Variants in CCDC148 observed in about 807,000 individuals in gnomAD.
CCDC148 encodes the protein coiled-coil domain-containing protein 148.
Under a neutral mutation model 85.7 loss-of-function variants are expected in CCDC148, and 89 were observed. The ratio of observed to expected loss-of-function variants is 1.04; its 90% CI spans 0.87 to 1.24. The LOEUF (loss-of-function observed/expected upper bound fraction) is 1.24. CCDC148 is among the 50% of genes most tolerant of loss of function. The probability of loss-of-function intolerance (pLI) is 0.00; values close to 1 mark genes in which losing one functional copy is unlikely to be tolerated. For missense variants in CCDC148, 692 were observed against 671.7 expected, an observed-to-expected ratio of 1.03 and a Z score of -0.33; for synonymous variants, 230 against 213.9, an observed-to-expected ratio of 1.08 and a Z score of -0.66.
At chr2:158,274,624 C>T (rs553697403) in intron 9 of CCDC148, among the ~76,000 whole-genome samples, 4 of 152,002 alleles carry the variant, frequency 2.6e-5, no homozygotes, top group Admixed American at 6.6e-5. Context: ...GGATTTCATT[C>T]GGGGAGAGTA....
intron 1 of CCDC148, among the ~76,000 whole-genome samples, chr2:158,392,867 A>G (rs1165324089): frequency 1.3e-5 from 2 of 152,072 alleles, no homozygotes; most frequent in Non-Finnish European, 2.9e-5. Flanking sequence ...TGTCAGAGAC[A>G]TTGCATACGA....
At chr2:158,179,839 A>G (rs1201202857) in intron 11 of CCDC148, among the ~76,000 whole-genome samples, 3 of 152,150 alleles carry the variant, frequency 2.0e-5, no homozygotes, top group Non-Finnish European at 1.5e-5. Context: ...TTGCACTTTG[A>G]CATCTGTAGA....
At position 158,176,768 on chromosome 2, in the gene CCDC148, G is replaced by A. The variant is rs913348826; in HGVS notation, c.1489-107C>T. ...TTAAAGTTAAGAAATTTTATTAAAG[G>A]TAAAGCCTGAGAGGAAAGGGCAGAA... On this transcript the variant is annotated intron_variant, in intron 12 of 13. Coordinates refer to ENST00000283233, the MANE Select transcript of CCDC148 (RefSeq NM_138803.4). The A allele has an allele frequency of 9.2e-5, 120 of 1,302,176 alleles. No homozygotes were observed. The African/African-American group carries it at 1.4e-3, about 15-fold the overall frequency. 80.7% of individuals were successfully genotyped at this position (1,302,176 alleles called of 1,614,324 possible).
intron 1 of CCDC148, among the ~76,000 whole-genome samples, chr2:158,360,675 C>A (rs112505400): frequency 0.18 from 26,934 of 152,034 alleles, 3,088 homozygotes; most frequent in Middle Eastern, 0.26. Context: ...CGAAGCTTAC[C>A]AACATCAAAG....
intron 12 of CCDC148, 77 bp downstream of exon 12, chr2:158,178,791 ACTAAGCCCCAG>A: frequency 4.5e-6 from 4 of 880,954 alleles, no homozygotes; most frequent in Non-Finnish European, 7.4e-6. Flanking sequence ...GATGTCATGA[ACTAAGCCCCAG>A]TAAGAATGCT....
At chr2:158,269,848 G>A (rs1375674801) in intron 9 of CCDC148, among the ~76,000 whole-genome samples, 1 of 152,134 alleles carries the variant, frequency 6.6e-6, no homozygotes, top group Non-Finnish European at 1.5e-5. Flanking sequence ...CTTGTCTTGG[G>A]CTCCACTTTA....
rs375407060 is a variant in CCDC148 at position 158,228,238 on chromosome 2, T to C, written c.1252-7525A>G. Among the ~76,000 whole-genome samples the C allele has an allele frequency of 1.7e-4, 26 of 152,228 alleles. No individual in the cohort carries two copies. The East Asian group carries it at 3.9e-3, about 23-fold the overall frequency. ...ATCATCACTGGGCATCAGAGAAATGTAAATCAAAACCACAATGAGATACCA... is the reference window on the plus strand; with the variant it reads ...ATCATCACTGGGCATCAGAGAAATGCAAATCAAAACCACAATGAGATACCA... On this transcript the variant is annotated intron_variant, in intron 10 of 13. Coordinates refer to ENST00000283233, the MANE Select transcript of CCDC148 (RefSeq NM_138803.4).
rs188805475 is a variant in CCDC148, at chr2:158,178,797, C to A, written c.1488+82G>T. The A allele has an allele frequency of 3.8e-3, 3,451 of 919,648 alleles. 16 individuals are homozygous for A. The highest frequency in any genetic ancestry group is 5.2e-3 in the Non-Finnish European group (2,959 of 572,362). 57.0% of individuals were successfully genotyped at this position (919,648 alleles called of 1,614,324 possible). On this transcript the variant is annotated intron_variant, in intron 12 of 13. Coordinates refer to ENST00000283233, the MANE Select transcript of CCDC148 (RefSeq NM_138803.4). ...TATATAGCAGATGTCATGAACTAAG[C>A]CCCAGTAAGAATGCTATTAAGAGCA...
chr2:158,278,751 G>A (rs986072096), intron 9 of CCDC148, among the ~76,000 whole-genome samples: 2 of 152,258 alleles, frequency 1.3e-5, no homozygotes, highest in African/African-American at 4.8e-5. Context: ...AAATGTCCCT[G>A]TCTGACAGCT....
chr2:158,387,903 A>G (rs1210190061), intron 1 of CCDC148, among the ~76,000 whole-genome samples: 1 of 152,034 alleles, frequency 6.6e-6, no homozygotes, highest in Non-Finnish European at 1.5e-5. Flanking sequence ...TTCCTAAACA[A>G]ATGCCCTCCT....
chr2:158,456,270 TTA>T, intron 1 of CCDC148, 143 bp downstream of exon 1: 1 of 801,810 alleles, frequency 1.2e-6, no homozygotes, highest in Non-Finnish European at 2.1e-6. Flanking sequence ...TTCAGAAGAG[TTA>T]TGAGTTTGAG....
At chr2:158,234,693 T>C (rs1021496203) in intron 10 of CCDC148, among the ~76,000 whole-genome samples, 11 of 152,110 alleles carry the variant, frequency 7.2e-5, no homozygotes, top group Non-Finnish European at 1.3e-4. Flanking sequence ...TGTAACACTA[T>C]GCAACCACTA....
rs554228112 is a variant in CCDC148, at chr2:158,414,271, C to A, written c.25+42144G>T. 3.9e-5 allele frequency among the ~76,000 whole-genome samples: 6 copies of A among 152,196 alleles called. 1 individual carries two copies. In the South Asian group the frequency reaches 1.0e-3, roughly 26 times the overall value. On this transcript the variant is annotated intron_variant, in intron 1 of 13. Transcript: ENST00000283233. ...TAAGCCCAAAGAAAAAAATAAATAT[C>A]TCCACAAATCTTACCAAACCAGAAA...
Position 158,358,557 on chromosome 2 carries a change from G to A in CCDC148, c.39C>T (p.Phe13=), listed in dbSNP as rs1683778459. Residue 13 remains phenylalanine (F), a synonymous_variant, in exon 2 of 14, where the codon TTC becomes TTT. Transcript: ENST00000283233. ...AASASPDNLV[F]HMKNEMRNIK... is the part of the protein sequence containing the mutation. ...TGTTTCTCATCTCATTTTTCATATG[G>A]AATACCAGATTATCTATTAGTCATA... 1 of 1,578,178 alleles carries A rather than the reference G, an allele frequency of 6.3e-7. No individual in the cohort carries two copies. The highest frequency in any genetic ancestry group is 1.8e-5 in the Admixed American group (1 of 55,226).
At chr2:158,325,652 A>G (rs747884354) in intron 7 of CCDC148, among the ~76,000 whole-genome samples, 5 of 152,124 alleles carry the variant, frequency 3.3e-5, no homozygotes, top group Non-Finnish European at 5.9e-5. Context: ...ACCTAATGGC[A>G]TCTCAACCTC....
intron 8 of CCDC148, 75 bp downstream of exon 8, chr2:158,313,680 AC>A (rs1233045388): frequency 1.6e-5 from 21 of 1,349,954 alleles, no homozygotes; most frequent in Non-Finnish European, 2.1e-5. Flanking sequence ...CATTGAAAAT[AC>A]ATGTACATTG....
chr2:158,220,941 T>C lies in CCDC148; in HGVS notation c.1252-228A>G, dbSNP rs185187249. 1.6e-4 allele frequency among the ~76,000 whole-genome samples: 24 copies of C among 152,310 alleles called. No homozygotes were observed. The East Asian group carries it at 2.9e-3, about 18-fold the overall frequency. The stretch of plus-strand genomic sequence containing the variant: ...AAGGTTTAACAATTTCTGCAATGAA[T>C]GGAAATATAACTTGTGCTGACCTAA... On this transcript the variant is annotated intron_variant, in intron 10 of 13. Transcript: ENST00000283233.
At chr2:158,439,934 C>T (rs1310918413) in intron 1 of CCDC148, among the ~76,000 whole-genome samples, 1 of 152,076 alleles carries the variant, frequency 6.6e-6, no homozygotes, top group Non-Finnish European at 1.5e-5. Flanking sequence ...AATTATGGCT[C>T]AATGTAGCCT....
intron 8 of CCDC148, among the ~76,000 whole-genome samples, chr2:158,311,502 G>A (rs1238388226): frequency 1.3e-5 from 2 of 152,162 alleles, no homozygotes; most frequent in African/African-American, 2.4e-5. Context: ...CGTGGAAAGC[G>A]GGAGACGGAG....
Sources: allele counts gnomAD v4.1 joint callset (sites outside exome capture counted in the v4.1 genomes callset), GRCh38; gene constraint gnomAD v4.1.1; transcripts MANE v1.5; gene names NCBI Gene and HGNC (gene_info 2026-07-23, HGNC 2026-07-21).